The following RBFOX1 variants were observed in gnomAD, a reference collection of about 807,000 sequenced individuals.
The protein encoded by RBFOX1 is RNA binding protein fox-1 homolog 1.
Under a neutral mutation model 57.7 loss-of-function variants are expected in RBFOX1, and 8 were observed. That is an observed-to-expected ratio of 0.14 (90% CI 0.08 to 0.25). The LOEUF (loss-of-function observed/expected upper bound fraction) is 0.25, where lower values mean the gene tolerates loss of function less well. Among genes scored for constraint, RBFOX1 ranks in the 10% least tolerant of loss-of-function variants. The pLI, the probability that RBFOX1 is intolerant of heterozygous loss-of-function variation, is 1.00. For missense variants in RBFOX1, 611 were observed against 548.5 expected, an observed-to-expected ratio of 1.11 and a Z score of -1.14; for synonymous variants, 326 against 222.4, an observed-to-expected ratio of 1.47 and a Z score of -4.15.
intron 4 of RBFOX1, among the ~76,000 whole-genome samples, chr16:7,440,086 G>C (rs957105776): frequency 6.6e-5 from 10 of 151,858 alleles, no homozygotes; most frequent in African/African-American, 2.4e-4. Flanking sequence ...CAAGTTGCTG[G>C]GGTTTTGCCG....
At chr16:6,890,455 A>G (rs143013906) in intron 3 of RBFOX1, among the ~76,000 whole-genome samples, 1,880 of 152,270 alleles carry the variant, frequency 0.012, 21 homozygotes, top group Non-Finnish European at 0.02. Context: ...GATGGCAGAG[A>G]TTTCGGTGAA....
At chr16:7,619,968 A>G (rs997410415) in intron 10 of RBFOX1, among the ~76,000 whole-genome samples, 3 of 152,210 alleles carry the variant, frequency 2.0e-5, no homozygotes, top group African/African-American at 7.2e-5. Context: ...TCCCACTAGA[A>G]GCTAGACATA....
intron 1 of RBFOX1, among the ~76,000 whole-genome samples, chr16:5,381,545 G>C (rs951946268): frequency 6.6e-6 from 1 of 152,174 alleles, no homozygotes; most frequent in Non-Finnish European, 1.5e-5. Context: ...TGGGTAGTGA[G>C]GATGAAGAGG....
chr16:6,530,362 C>G (rs2096640267), intron 2 of RBFOX1, among the ~76,000 whole-genome samples: 1 of 152,164 alleles, frequency 6.6e-6, no homozygotes, highest in Non-Finnish European at 1.5e-5. Context: ...AACAGCTGAG[C>G]TTGAGCCAGT....
intron 3 of RBFOX1, among the ~76,000 whole-genome samples, chr16:6,878,636 C>T (rs902091153): frequency 1.3e-5 from 2 of 152,174 alleles, no homozygotes; most frequent in East Asian, 3.9e-4. Context: ...CAAGGAAAGT[C>T]ACTGTGGTTC....
intron 3 of RBFOX1, among the ~76,000 whole-genome samples, chr16:6,748,286 C>T (rs1321390530): frequency 2.0e-5 from 3 of 152,206 alleles, no homozygotes; most frequent in East Asian, 3.9e-4. Context: ...TCTCTCTACA[C>T]ACACACACGC....
At chr16:6,917,520 C>G (rs1322888905) in intron 3 of RBFOX1, among the ~76,000 whole-genome samples, 3 of 152,182 alleles carry the variant, frequency 2.0e-5, no homozygotes, top group Non-Finnish European at 2.9e-5. Context: ...AACACTCTGT[C>G]CAAAGGAAGA....
chr16:6,839,298 A>G (rs749845661), intron 3 of RBFOX1, among the ~76,000 whole-genome samples: 5 of 152,032 alleles, frequency 3.3e-5, no homozygotes, highest in Non-Finnish European at 7.4e-5. Flanking sequence ...CATTTTCAAC[A>G]TAGCTGCCTC....
chr16:5,857,881 C>T (rs748305244), intron 3 of RBFOX1, among the ~76,000 whole-genome samples: 8 of 151,928 alleles, frequency 5.3e-5, no homozygotes, highest in East Asian at 1.9e-4. Context: ...TGGGAGGCAG[C>T]GGTTGCAGTC....
rs562132490 is a variant in RBFOX1 at position 6,251,057 on chromosome 16, A to T, written c.-126-65938A>T. On this transcript the variant is annotated intron_variant, in intron 1 of 15. Transcript: ENST00000550418. ...TTGCAATGGAAGCGGTGAAGTTTGC[A>T]AACAGCAGTACCACTTAATGAGAGC... is the stretch of plus-strand genomic sequence containing the variant. Among the ~76,000 whole-genome samples, 4 of 152,254 alleles carry T rather than the reference A, an allele frequency of 2.6e-5. No individual in the cohort carries two copies. The East Asian group carries it at 7.7e-4, about 29-fold the overall frequency.
intron 3 of RBFOX1, among the ~76,000 whole-genome samples, chr16:6,982,890 G>A (rs1269826820): frequency 6.6e-6 from 1 of 151,410 alleles, no homozygotes; most frequent in African/African-American, 2.4e-5. Flanking sequence ...ATACTTGGGA[G>A]GCTGAGGCAG....
At chr16:6,261,854 CAAAACA>C (rs113064156) in intron 1 of RBFOX1, among the ~76,000 whole-genome samples, 3 of 150,672 alleles carry the variant, frequency 2.0e-5, no homozygotes, top group African/African-American at 4.9e-5. Context: ...AAAAACAAAA[CAAAACA>C]AAAACAAAAA....
intron 3 of RBFOX1, among the ~76,000 whole-genome samples, chr16:5,773,428 C>T (rs28515843): frequency 0.18 from 26,757 of 152,098 alleles, 3,229 homozygotes; most frequent in African/African-American, 0.34. Context: ...GCATATTGCT[C>T]CAGAACTTAC....
chr16:5,271,735 G>A (rs1055957147), intron 1 of RBFOX1, among the ~76,000 whole-genome samples: 8 of 152,192 alleles, frequency 5.3e-5, no homozygotes, highest in African/African-American at 1.9e-4. Context: ...CCTTTGACCA[G>A]TGTCTCCTAT....
At chr16:6,771,952 T>C (rs1285012033) in intron 3 of RBFOX1, among the ~76,000 whole-genome samples, 1 of 152,092 alleles carries the variant, frequency 6.6e-6, no homozygotes, top group Non-Finnish European at 1.5e-5. Flanking sequence ...TTGTGTAGAA[T>C]AGCTATATAA....
rs376711733 is a variant in RBFOX1 at position 7,036,952 on chromosome 16, G to T, written c.-15-15105G>T. Reference sequence around the variant, plus strand: ...GCTAAACAAGGAGTAGATTATTCATGCTTCCCCTTTTTAGATCATACAGGG... The same window carrying T: ...GCTAAACAAGGAGTAGATTATTCATTCTTCCCCTTTTTAGATCATACAGGG... On this transcript the variant is annotated intron_variant, in intron 3 of 15. Coordinates refer to ENST00000550418, the MANE Select transcript of RBFOX1 (RefSeq NM_018723.4). 2.0e-5 allele frequency among the ~76,000 whole-genome samples: 3 copies of T among 152,164 alleles called. No individual in the cohort carries two copies. The East Asian group carries it at 5.8e-4, about 30-fold the overall frequency.
chr16:7,182,769 C>T (rs1338811998), intron 4 of RBFOX1, among the ~76,000 whole-genome samples: 3 of 152,140 alleles, frequency 2.0e-5, no homozygotes, highest in African/African-American at 7.2e-5. Context: ...ATTTGCCTCA[C>T]CCCTGACTTA....
At chr16:6,478,328 T>A (rs1293696702) in intron 2 of RBFOX1, among the ~76,000 whole-genome samples, 5 of 138,400 alleles carry the variant, frequency 3.6e-5, no homozygotes, top group African/African-American at 1.4e-4. Flanking sequence ...GTTCAAGCGA[T>A]TCTCCTGCCT....
intron 5 of RBFOX1, among the ~76,000 whole-genome samples, chr16:7,565,647 T>C (rs1305733819): frequency 6.6e-6 from 1 of 152,216 alleles, no homozygotes; most frequent in African/African-American, 2.4e-5. Flanking sequence ...CAGTGGGTAC[T>C]CAACCATCGC....
Sources: allele counts gnomAD v4.1 joint callset (sites outside exome capture counted in the v4.1 genomes callset), GRCh38; gene constraint gnomAD v4.1.1; transcripts MANE v1.5; gene names NCBI Gene and HGNC (gene_info 2026-07-23, HGNC 2026-07-21).